Variants in TENM4 observed in about 807,000 individuals in gnomAD.
TENM4 encodes teneurin transmembrane protein 4, also known as teneurin-4.
Under a neutral mutation model 243.3 loss-of-function variants are expected in TENM4, and 82 were observed. The ratio of observed to expected loss-of-function variants is 0.34; its 90% CI spans 0.28 to 0.40. The LOEUF is 0.40. Ranked by LOEUF, TENM4 falls within the 10% of genes least tolerant of loss-of-function variation. The pLI is 1.00. For missense variants in TENM4, 3,138 were observed against 3,673.3 expected (o/e 0.85, Z 3.77); for synonymous variants, 1,412 against 1,456.3 (o/e 0.97, Z 0.69).
chr11:78,671,518 T>C (rs965391567), intron 31 of TENM4, among the ~76,000 whole-genome samples: 1 of 152,236 alleles, frequency 6.6e-6, no homozygotes, highest in African/African-American at 2.4e-5. Flanking sequence ...TACCATTTTT[T>C]CCTATTTGAG....
chr11:79,324,772 A>G (rs952785855), intron 1 of TENM4, among the ~76,000 whole-genome samples: 10 of 152,214 alleles, frequency 6.6e-5, no homozygotes, highest in African/African-American at 2.4e-4. Context: ...TATTCTGGGT[A>G]GATGACACTG....
At chr11:79,212,039 A>G (rs1420795069) in intron 3 of TENM4, among the ~76,000 whole-genome samples, 1 of 152,222 alleles carries the variant, frequency 6.6e-6, no homozygotes, top group Non-Finnish European at 1.5e-5. Context: ...GCATGTGGAC[A>G]TTTAGTGCCC....
intron 27 of TENM4, among the ~76,000 whole-genome samples, chr11:78,705,228 C>T (rs1411417278): frequency 6.6e-6 from 1 of 152,082 alleles, no homozygotes; most frequent in Non-Finnish European, 1.5e-5. Context: ...TTCTGCCTGT[C>T]GTTATGATGA....
intron 17 of TENM4, among the ~76,000 whole-genome samples, chr11:78,777,240 G>C (rs1309262844): frequency 6.6e-6 from 1 of 152,188 alleles, no homozygotes; most frequent in Non-Finnish European, 1.5e-5. Context: ...TTGCTGGAAT[G>C]ATTTTATTGT....
chr11:79,176,972 T>C (rs1054448979), intron 3 of TENM4, among the ~76,000 whole-genome samples: 1 of 152,142 alleles, frequency 6.6e-6, no homozygotes, highest in African/African-American at 2.4e-5. Flanking sequence ...TTACCTCTTG[T>C]CCAGCTAGAT....
At chr11:79,326,896 A>G (rs1856983839) in intron 1 of TENM4, among the ~76,000 whole-genome samples, 1 of 152,240 alleles carries the variant, frequency 6.6e-6, no homozygotes, top group African/African-American at 2.4e-5. Flanking sequence ...ATTCACCATT[A>G]TATAAATTAG....
intron 17 of TENM4, among the ~76,000 whole-genome samples, chr11:78,774,314 C>T (rs1461799159): frequency 5.3e-5 from 8 of 152,154 alleles, no homozygotes; most frequent in East Asian, 3.8e-4. Context: ...ACTTGTGTAA[C>T]GTTTAGGTCA....
chr11:79,177,417 C>CTTATT (rs1863185646), intron 3 of TENM4, among the ~76,000 whole-genome samples: 2 of 148,930 alleles, frequency 1.3e-5, no homozygotes, highest in Non-Finnish European at 3.0e-5. Context: ...TCCCTTTCCT[C>CTTATT]TTCTTTTCTT....
chr11:78,763,631 G>C (rs1856479902), intron 18 of TENM4, among the ~76,000 whole-genome samples: 2 of 152,202 alleles, frequency 1.3e-5, no homozygotes, highest in South Asian at 4.1e-4. Flanking sequence ...CGGAGAACGA[G>C]GGAAAGGGGT....
rs751050984 is a variant in TENM4, at chr11:79,069,952, G to A, written c.-8C>T. 2.1e-5 allele frequency: 33 copies of A among 1,543,938 alleles called. No homozygotes were observed. Among genetic ancestry groups the A allele is most frequent in the African/African-American group, 2.1e-4 (15 of 73,014 alleles). On this transcript the variant is annotated 5_prime_UTR_variant, in exon 5 of 34. Transcript: ENST00000278550. ...CCTCTCCTTCACGTCCATGGCCTCC[G>A]GCCCGCGCTCCTCCACATCCACAAA...
chr11:79,330,144 A>C (rs1857038797), intron 1 of TENM4, among the ~76,000 whole-genome samples: 1 of 152,220 alleles, frequency 6.6e-6, no homozygotes, highest in South Asian at 2.1e-4. Context: ...TTAAGCTAGC[A>C]ACATGGCATC....
chr11:78,792,609 C>A (rs1233846115), intron 15 of TENM4, among the ~76,000 whole-genome samples: 2 of 152,250 alleles, frequency 1.3e-5, no homozygotes, highest in East Asian at 1.9e-4. Context: ...TCAATGTGGT[C>A]CCCTGGCACT....
At chr11:78,758,821 G>A (rs1478948920) in intron 18 of TENM4, among the ~76,000 whole-genome samples, 1 of 152,202 alleles carries the variant, frequency 6.6e-6, no homozygotes, top group Admixed American at 6.5e-5. Flanking sequence ...GAGATAGACT[G>A]TCTGGGGTCA....
intron 30 of TENM4, 35 bp downstream of exon 30, chr11:78,676,117 C>T (rs562142251): frequency 1.8e-4 from 255 of 1,456,922 alleles, no homozygotes; most frequent in Admixed American, 1.2e-3. Context: ...ATTCTTTCCC[C>T]CCAGGACGCA....
At chr11:78,732,697 G>A (rs1855697392) in intron 20 of TENM4, 120 bp from the exon 21 acceptor site, 2 of 1,213,570 alleles carry the variant, frequency 1.6e-6, no homozygotes, top group Admixed American at 2.9e-5. Flanking sequence ...CATTTCTTGA[G>A]GGAGGCTCTA....
At chr11:78,967,879 G>A (rs1857469413) in intron 6 of TENM4, among the ~76,000 whole-genome samples, 1 of 152,212 alleles carries the variant, frequency 6.6e-6, no homozygotes, top group South Asian at 2.1e-4. Context: ...CCCAGCTCTG[G>A]CTTATAGGAG....
At chr11:79,160,509 T>G (rs530939) in intron 3 of TENM4, among the ~76,000 whole-genome samples, 1 of 151,420 alleles carries the variant, frequency 6.6e-6, no homozygotes, top group African/African-American at 2.4e-5. Context: ...GAGATGGAGA[T>G]GGGGGCATCT....
intron 5 of TENM4, among the ~76,000 whole-genome samples, chr11:79,066,730 G>GCACACGCACA (rs1555001925): frequency 4.0e-5 from 6 of 150,606 alleles, no homozygotes; most frequent in South Asian, 2.1e-4. Flanking sequence ...GAGCACACAC[G>GCACACGCACA]CGCACGCACA....
At chr11:79,243,227 G>C (rs1855456454) in intron 2 of TENM4, among the ~76,000 whole-genome samples, 2 of 152,062 alleles carry the variant, frequency 1.3e-5, no homozygotes, top group Non-Finnish European at 2.9e-5. Flanking sequence ...TGTTTCGGGG[G>C]TCATTTTTAG....
Sources: gnomAD v4.1 joint callset for allele counts (sites outside exome capture counted in the v4.1 genomes callset) on GRCh38, gnomAD v4.1.1 for gene constraint, MANE v1.5 for transcripts, NCBI Gene and HGNC (gene_info 2026-07-23, HGNC 2026-07-21) for gene names.